The following SLC25A13 variants were observed in gnomAD, a reference collection of about 807,000 sequenced individuals.
SLC25A13 encodes the protein electrogenic aspartate/glutamate antiporter SLC25A13, mitochondrial.
Under a neutral mutation model 85.5 loss-of-function variants are expected in SLC25A13, and 70 were observed. That is an observed-to-expected ratio of 0.82 (90% confidence interval 0.68 to 1.00). The LOEUF (loss-of-function observed/expected upper bound fraction) is 1.00. Among genes scored for constraint, SLC25A13 ranks in the 50% least tolerant of loss-of-function variants. SLC25A13 has a pLI of 0.00. For synonymous variants in SLC25A13, 259 were observed against 288.7 expected (o/e 0.90, Z 1.04); for missense variants, 765 against 819.8 (o/e 0.93, Z 0.82).
intron 13 of SLC25A13, among the ~76,000 whole-genome samples, chr7:96,161,762 G>A (rs577026607): frequency 1.1e-4 from 17 of 152,190 alleles, no homozygotes; most frequent in Non-Finnish European, 2.5e-4. Flanking sequence ...GGAAGGCAGA[G>A]ATAAAGTGCA....
chr7:96,160,975 T>C (rs531492011), intron 13 of SLC25A13, among the ~76,000 whole-genome samples: 248 of 38,502 alleles, frequency 6.4e-3, no homozygotes, highest in African/African-American at 0.043. Flanking sequence ...GAGGTTAGCA[T>C]TTTTTTTTTT....
At chr7:96,154,978 T>C (rs570431065) in intron 13 of SLC25A13, among the ~76,000 whole-genome samples, 1 of 152,092 alleles carries the variant, frequency 6.6e-6, no homozygotes, top group African/African-American at 2.4e-5. Flanking sequence ...TTTTTGTAAT[T>C]TTAGTAGAGA....
chr7:96,189,250 T>G, intron 9 of SLC25A13, 44 bp downstream of exon 9: 1 of 1,572,654 alleles, frequency 6.4e-7, no homozygotes, highest in South Asian at 1.1e-5. Context: ...TGGGGTATCC[T>G]GCTAAGGAAA....
At chr7:96,314,802 A>G (rs1374289156) in intron 1 of SLC25A13, among the ~76,000 whole-genome samples, 1 of 152,184 alleles carries the variant, frequency 6.6e-6, no homozygotes, top group African/African-American at 2.4e-5. Flanking sequence ...AAAAGAACTC[A>G]ATATCCAAAA....
chr7:96,312,501 T>C (rs1799987359), intron 1 of SLC25A13, among the ~76,000 whole-genome samples: 1 of 152,210 alleles, frequency 6.6e-6, no homozygotes, highest in Non-Finnish European at 1.5e-5. Flanking sequence ...TAGATGATTA[T>C]AAAGATCAAA....
chr7:96,184,150 G>T, intron 11 of SLC25A13, 127 bp downstream of exon 11: 1 of 1,199,878 alleles, frequency 8.3e-7, no homozygotes, highest in Non-Finnish European at 1.2e-6. Context: ...CCATTAGCAT[G>T]GATAATTGAA....
At chr7:96,238,951 C>T (rs1250872783) in intron 3 of SLC25A13, among the ~76,000 whole-genome samples, 2 of 147,572 alleles carry the variant, frequency 1.4e-5, no homozygotes, top group Non-Finnish European at 3.0e-5. Context: ...ATAAAAAAAG[C>T]ATATATAGGA....
intron 11 of SLC25A13, among the ~76,000 whole-genome samples, chr7:96,179,516 A>G (rs1014731184): frequency 6.6e-6 from 1 of 152,236 alleles, no homozygotes; most frequent in Non-Finnish European, 1.5e-5. Flanking sequence ...TCAGATTACA[A>G]TGCCCTGTGC....
chr7:96,286,710 A>G (rs1484932148), intron 2 of SLC25A13, among the ~76,000 whole-genome samples: 1 of 152,216 alleles, frequency 6.6e-6, no homozygotes, highest in Non-Finnish European at 1.5e-5. Context: ...ATGCATTGAT[A>G]CACACCCAGT....
intron 11 of SLC25A13, among the ~76,000 whole-genome samples, chr7:96,171,889 T>C (rs1794017691): frequency 6.6e-6 from 1 of 152,188 alleles, no homozygotes; most frequent in Admixed American, 6.5e-5. Flanking sequence ...AGTTAGAACA[T>C]TTAGTGGAGC....
intron 5 of SLC25A13, among the ~76,000 whole-genome samples, chr7:96,196,817 C>A (rs1795081213): frequency 6.6e-6 from 1 of 152,216 alleles, no homozygotes; most frequent in African/African-American, 2.4e-5. Context: ...GGGTTGCCTT[C>A]TGAAGATCAT....
chr7:96,281,894 T>C lies in SLC25A13; in HGVS notation c.70-4556A>G, dbSNP rs559555126. 2.5e-4 allele frequency among the ~76,000 whole-genome samples: 38 copies of C among 152,288 alleles called. 1 individual carries two copies. In the South Asian group the frequency reaches 7.5e-3, roughly 30 times the overall value. On this transcript the variant is annotated intron_variant, in intron 2 of 17. Transcript: ENST00000265631. The stretch of plus-strand genomic sequence containing the variant: ...GTGATTTAAGTAAACATGTCAAAGG[T>C]TGCTCCTTAGGATTGATGGACAGAG...
intron 14 of SLC25A13, among the ~76,000 whole-genome samples, chr7:96,142,970 GA>G (rs1213814312): frequency 1.3e-5 from 2 of 152,106 alleles, no homozygotes; most frequent in East Asian, 1.9e-4. Flanking sequence ...AAATGCAGTG[GA>G]AAAAAACAAC....
intron 4 of SLC25A13, among the ~76,000 whole-genome samples, chr7:96,217,177 A>G (rs1795930445): frequency 6.6e-6 from 1 of 152,218 alleles, no homozygotes; most frequent in Non-Finnish European, 1.5e-5. Flanking sequence ...CCATGATGAG[A>G]TAACCACTTC....
chr7:96,241,389 T>C (rs1283039948), intron 3 of SLC25A13, among the ~76,000 whole-genome samples: 2 of 152,216 alleles, frequency 1.3e-5, no homozygotes, highest in Non-Finnish European at 2.9e-5. Flanking sequence ...GTGAAAAAAG[T>C]ACAAACAACC....
rs749897928 is a variant in SLC25A13 at position 96,121,244 on chromosome 7, G to T, written c.1975C>A (p.Pro659Thr). 2.5e-6 allele frequency: 4 copies of T among 1,614,134 alleles called. No homozygotes were observed. The East Asian group carries it at 8.9e-5, about 36-fold the overall frequency. ...GTAGATACTGATGGCTTGAAGAGAG[G>T]TAGGTAAAGTCCAAATTTGTTTTCA... ...GIENKFGLYLPLFKPSVSTSK... is the reference protein window; with the variant it reads ...GIENKFGLYLTLFKPSVSTSK... The change falls in exon 18 of 18, where the codon CCT (proline) becomes ACT (threonine). Residue 659 changes from proline (P) to threonine (T), a missense_variant. Pro to Thr is a conservative substitution (Grantham distance 38). Coordinates refer to ENST00000265631, the MANE Select transcript of SLC25A13 (RefSeq NM_014251.3).
At chr7:96,212,524 C>T (rs1002939134) in intron 4 of SLC25A13, among the ~76,000 whole-genome samples, 4 of 152,152 alleles carry the variant, frequency 2.6e-5, no homozygotes, top group African/African-American at 9.7e-5. Flanking sequence ...AGCAGATAAA[C>T]CATGATCTGG....
chr7:96,143,037 T>C (rs573800462), intron 14 of SLC25A13, among the ~76,000 whole-genome samples: 22 of 152,326 alleles, frequency 1.4e-4, no homozygotes, highest in African/African-American at 4.6e-4. Flanking sequence ...CCCTCCAAGG[T>C]AGAATCAAGG....
chr7:96,297,000 A>C, intron 1 of SLC25A13, 49 bp from the exon 2 acceptor site: 1 of 1,497,598 alleles, frequency 6.7e-7, no homozygotes, highest in Non-Finnish European at 9.3e-7. Context: ...AAGCTGAGAA[A>C]TCAAGCTAGC....
Sources: allele counts gnomAD v4.1 joint callset (sites outside exome capture counted in the v4.1 genomes callset), GRCh38; gene constraint gnomAD v4.1.1; transcripts MANE v1.5; gene names NCBI Gene and HGNC (gene_info 2026-07-23, HGNC 2026-07-21).